The following SLC25A26 variants were observed in gnomAD, a reference collection of about 807,000 sequenced individuals.
The protein encoded by SLC25A26 is mitochondrial S-adenosylmethionine carrier protein.
Under a neutral mutation model 37.8 loss-of-function variants are expected in SLC25A26, and 36 were observed. That is an observed-to-expected ratio of 0.95 (90% CI 0.73 to 1.26). The LOEUF (loss-of-function observed/expected upper bound fraction) is 1.26, where lower values mean the gene tolerates loss of function less well. SLC25A26 is among the 50% of genes most tolerant of loss of function. The pLI is 0.00. For missense variants in SLC25A26, 390 were observed against 331.1 expected, an observed-to-expected ratio of 1.18 and a Z score of -1.38; for synonymous variants, 129 against 122.5, an observed-to-expected ratio of 1.05 and a Z score of -0.35.
In SLC25A26 at chr3:66,267,562, C is replaced by T. The variant is rs2073801617; in HGVS notation, c.453+4183C>T. On this transcript the variant is annotated intron_variant, in intron 5 of 9. Coordinates refer to ENST00000354883, the MANE Select transcript of SLC25A26 (RefSeq NM_001379210.1). Reference sequence around the variant, plus strand: ...GGTATCTGACTCCTGTCTGCAGAAACCTGAAGGTGAGAAGCTGGTTGGAGC... The same window carrying T: ...GGTATCTGACTCCTGTCTGCAGAAATCTGAAGGTGAGAAGCTGGTTGGAGC... 2.6e-5 allele frequency among the ~76,000 whole-genome samples: 4 copies of T among 152,110 alleles called. No homozygotes were observed. The South Asian group carries it at 8.3e-4, about 32-fold the overall frequency.
chr3:66,340,980 G>A (rs1187424313), intron 5 of SLC25A26, among the ~76,000 whole-genome samples: 1 of 151,890 alleles, frequency 6.6e-6, no homozygotes, highest in East Asian at 1.9e-4. Flanking sequence ...GATTCCTTAA[G>A]ATTCTCAGCA....
At chr3:66,368,205 A>G (rs1332351438) in intron 7 of SLC25A26, among the ~76,000 whole-genome samples, 1 of 152,194 alleles carries the variant, frequency 6.6e-6, no homozygotes, top group African/African-American at 2.4e-5. Flanking sequence ...TCCTTCACAC[A>G]CGGGTGTCCT....
chr3:66,367,580 C>A (rs1342213575), intron 7 of SLC25A26, among the ~76,000 whole-genome samples: 1 of 152,112 alleles, frequency 6.6e-6, no homozygotes, highest in Admixed American at 6.5e-5. Flanking sequence ...AAAACCAAAT[C>A]TGTTATTTTG....
At chr3:66,344,905 C>T (rs562235695) in intron 5 of SLC25A26, among the ~76,000 whole-genome samples, 4 of 152,182 alleles carry the variant, frequency 2.6e-5, no homozygotes, top group African/African-American at 9.7e-5. Context: ...GGCTTCTTAC[C>T]TCCTAACTGC....
intron 5 of SLC25A26, among the ~76,000 whole-genome samples, chr3:66,334,354 G>T (rs1372490117): frequency 6.6e-6 from 1 of 152,020 alleles, no homozygotes; most frequent in Non-Finnish European, 1.5e-5. Flanking sequence ...TTGCTCTGTC[G>T]CCCAGGCTGG....
chr3:66,157,626 A>G (rs578234082), intron 1 of SLC25A26, among the ~76,000 whole-genome samples: 43 of 152,192 alleles, frequency 2.8e-4, no homozygotes, highest in Non-Finnish European at 5.1e-4. Context: ...ATTTTTTCTT[A>G]TCAATAATGC....
chr3:66,245,697 T>G (rs995239506), intron 3 of SLC25A26, among the ~76,000 whole-genome samples: 10 of 152,248 alleles, frequency 6.6e-5, no homozygotes, highest in African/African-American at 2.4e-4. Context: ...ACAAACTGTT[T>G]AGTAACCTAA....
At chr3:66,143,031 TGC>T (rs2070059429) in intron 1 of SLC25A26, among the ~76,000 whole-genome samples, 1 of 152,130 alleles carries the variant, frequency 6.6e-6, no homozygotes, top group South Asian at 2.1e-4. Flanking sequence ...CCTCCCAAAG[TGC>T]TGAGATTAAG....
At chr3:66,142,681 C>T (rs989936898) in intron 1 of SLC25A26, among the ~76,000 whole-genome samples, 7 of 152,166 alleles carry the variant, frequency 4.6e-5, no homozygotes, top group African/African-American at 1.7e-4. Flanking sequence ...CACAAAAATG[C>T]ATAGGTTTCC....
At chr3:66,274,273 G>A (rs1216949415) in intron 5 of SLC25A26, among the ~76,000 whole-genome samples, 11 of 152,080 alleles carry the variant, frequency 7.2e-5, no homozygotes, top group South Asian at 2.1e-4. Context: ...AGACTTAAAC[G>A]TTAGACCTAA....
intron 5 of SLC25A26, among the ~76,000 whole-genome samples, chr3:66,336,794 G>A (rs1165650815): frequency 6.6e-6 from 1 of 152,176 alleles, no homozygotes; most frequent in Admixed American, 6.5e-5. Context: ...ATTCCAGGAA[G>A]CCAATGAAAA....
intron 1 of SLC25A26, among the ~76,000 whole-genome samples, chr3:66,186,371 A>G (rs1040597751): frequency 2.0e-5 from 3 of 151,226 alleles, no homozygotes; most frequent in Non-Finnish European, 4.4e-5. Context: ...CCCTTTCTCC[A>G]TTGACCTTAA....
intron 5 of SLC25A26, among the ~76,000 whole-genome samples, chr3:66,267,809 A>G (rs1048726187): frequency 9.9e-5 from 15 of 152,176 alleles, no homozygotes; most frequent in East Asian, 1.9e-4. Context: ...AGTTTATTCA[A>G]AAGTGGATAT....
At chr3:66,208,885 T>TAC (rs1553655949) in intron 1 of SLC25A26, among the ~76,000 whole-genome samples, 6 of 105,604 alleles carry the variant, frequency 5.7e-5, no homozygotes, top group African/African-American at 1.9e-4. Flanking sequence ...TATATATATA[T>TAC]ACACCTTTAT....
chr3:66,302,456 T>A (rs1460890512), intron 5 of SLC25A26, among the ~76,000 whole-genome samples: 1 of 151,124 alleles, frequency 6.6e-6, no homozygotes, highest in Non-Finnish European at 1.5e-5. Flanking sequence ...GTCATCAGAG[T>A]CCCTGCCACT....
chr3:66,346,987 A>G (rs760604879), intron 6 of SLC25A26, among the ~76,000 whole-genome samples: 4 of 152,140 alleles, frequency 2.6e-5, no homozygotes, highest in Non-Finnish European at 5.9e-5. Flanking sequence ...GTGAGTTGTC[A>G]GACAACCTTG....
At chr3:66,345,370 CT>C in intron 5 of SLC25A26, among the ~76,000 whole-genome samples, 1 of 152,180 alleles carries the variant, frequency 6.6e-6, no homozygotes, top group South Asian at 2.1e-4. Context: ...TCTGCTTCCT[CT>C]TTCTTCCTTG....
At chr3:66,219,773 G>C (rs2071419500), upstream of SLC25A26, among the ~76,000 whole-genome samples, 1 of 152,204 alleles carries the variant, frequency 6.6e-6, no homozygotes, top group African/African-American at 2.4e-5. Context: ...CACCTTTAGA[G>C]AGTACTTTCT....
At chr3:66,251,341 G>A (rs1198823949) in intron 3 of SLC25A26, among the ~76,000 whole-genome samples, 2 of 152,142 alleles carry the variant, frequency 1.3e-5, no homozygotes, top group African/African-American at 2.4e-5. Context: ...GAGTTCAAGA[G>A]ATGTTAAAGA....
Sources: gnomAD v4.1 joint callset for allele counts (sites outside exome capture counted in the v4.1 genomes callset) on GRCh38, gnomAD v4.1.1 for gene constraint, MANE v1.5 for transcripts, NCBI Gene and HGNC (gene_info 2026-07-23, HGNC 2026-07-21) for gene names.